ARHGAP6: variants seen among roughly 807,000 people sequenced by gnomAD.
ARHGAP6 encodes the protein rho GTPase-activating protein 6.
ARHGAP6 carries 16 observed loss-of-function variants against 55.7 expected under a neutral mutation model. The observed-to-expected ratio is 0.29, with a 90% CI of 0.19 to 0.44. The LOEUF is 0.44. ARHGAP6 is among the 20% of genes least tolerant of loss of function. The pLI, the probability that ARHGAP6 is intolerant of heterozygous loss-of-function variation, is 1.00. For synonymous variants in ARHGAP6, 382 were observed against 360.9 expected, an observed-to-expected ratio of 1.06 and a Z score of -0.66; for missense variants, 698 against 808.9, an observed-to-expected ratio of 0.86 and a Z score of 1.66.
intron 1 of ARHGAP6, among the ~76,000 whole-genome samples, chrX:11,303,585 C>T (rs768503438): frequency 8.9e-6 from 1 of 112,218 alleles, no homozygotes; most frequent in Non-Finnish European, 1.9e-5. Context: ...ATTCACTTTA[C>T]TATTAATTTT....
At chrX:11,545,449 C>G (rs1274230548) in intron 1 of ARHGAP6, among the ~76,000 whole-genome samples, 1 of 111,666 alleles carries the variant, frequency 9.0e-6, no homozygotes. Context: ...AGCTAATCCT[C>G]TCAGATAAAG....
chrX:11,404,433 A>G (rs1019830767), intron 1 of ARHGAP6, among the ~76,000 whole-genome samples: 2 of 112,210 alleles, frequency 1.8e-5, no homozygotes, highest in Admixed American at 1.9e-4. Context: ...TTAATGCAAC[A>G]TTTACATTAA....
At chrX:11,566,571 T>C (rs1330122813) in intron 1 of ARHGAP6, among the ~76,000 whole-genome samples, 1 of 112,536 alleles carries the variant, frequency 8.9e-6, no homozygotes. Context: ...CTTCTGGAAC[T>C]TGGTTTTCTC....
At chrX:11,510,051 C>G (rs193220816) in intron 1 of ARHGAP6, among the ~76,000 whole-genome samples, 1 of 111,859 alleles carries the variant, frequency 8.9e-6, no homozygotes, top group East Asian at 2.8e-4. Context: ...ATTCAGTTGA[C>G]CTTTGGTGTA....
chrX:11,539,242 A>G (rs1166086312), intron 1 of ARHGAP6, among the ~76,000 whole-genome samples: 1 of 111,797 alleles, frequency 8.9e-6, no homozygotes, highest in Non-Finnish European at 1.9e-5. Context: ...AAGTTATGAC[A>G]ATCAAAAATG....
intron 1 of ARHGAP6, among the ~76,000 whole-genome samples, chrX:11,317,210 A>C (rs1303467491): frequency 3.6e-5 from 4 of 112,628 alleles, no homozygotes; most frequent in African/African-American, 1.3e-4. Flanking sequence ...CTTCTATGCC[A>C]GAGTTACTCA....
Position 11,139,287 on chromosome X carries a change from G to C in ARHGAP6, c.2501C>G (p.Thr834Arg). ...VQVAGKAERP[T>R]ARSEQYLTLS... ...GGTCAAGTACTGCTCCGACCTGGCC[G>C]TGGGCCGCTCGGCTTTCCCTGCCAC... Residue 834 changes from threonine to arginine, a missense_variant, in exon 13 of 13, where the codon ACG (threonine) becomes AGG (arginine). Physicochemically the swap from Thr to Arg is moderately conservative, Grantham distance 71. Around this residue, in one of 3 missense-constraint regions of ARHGAP6, gnomAD observed 212 missense variants for 208.7 expected, o/e 1.02. Transcript: ENST00000337414. 4 of 1,189,393 alleles carry C rather than the reference G, an allele frequency of 3.4e-6. No individual in the cohort carries two copies. The highest frequency in any genetic ancestry group is 4.5e-6 in the Non-Finnish European group (4 of 885,060).
At chrX:11,572,304 C>T (rs1005838041) in intron 1 of ARHGAP6, among the ~76,000 whole-genome samples, 3 of 110,159 alleles carry the variant, frequency 2.7e-5, no homozygotes, top group Non-Finnish European at 5.7e-5. Flanking sequence ...CGTCATTTAG[C>T]ATTAGGTATA....
chrX:11,214,001 T>C (rs142851018), intron 2 of ARHGAP6, among the ~76,000 whole-genome samples: 6,001 of 111,512 alleles, frequency 0.054, 136 homozygotes, highest in African/African-American at 0.098. Flanking sequence ...ATTTCTATAA[T>C]ACTTGACAAC....
intron 1 of ARHGAP6, among the ~76,000 whole-genome samples, chrX:11,596,491 G>C (rs1380381676): frequency 9.0e-6 from 1 of 111,301 alleles, no homozygotes; most frequent in Non-Finnish European, 1.9e-5. Flanking sequence ...GTTGATGGGT[G>C]CAGCAAACCA....
At chrX:11,519,083 C>T (rs1233626450) in intron 1 of ARHGAP6, among the ~76,000 whole-genome samples, 3 of 94,394 alleles carry the variant, frequency 3.2e-5, no homozygotes, top group African/African-American at 4.2e-5. Context: ...TGAATAATGC[C>T]GCAATAAACA....
At chrX:11,516,766 AGTAAATG>A (rs1330060278) in intron 1 of ARHGAP6, among the ~76,000 whole-genome samples, 2 of 111,921 alleles carry the variant, frequency 1.8e-5, no homozygotes, top group Non-Finnish European at 3.8e-5. Flanking sequence ...TCACATTGCT[AGTAAATG>A]GTAAAGATAT....
chrX:11,493,129 G>A (rs890751966), intron 1 of ARHGAP6, among the ~76,000 whole-genome samples: 1 of 111,805 alleles, frequency 8.9e-6, no homozygotes, highest in Non-Finnish European at 1.9e-5. Context: ...AATCACGGAG[G>A]CCTTTTATAG....
intron 1 of ARHGAP6, among the ~76,000 whole-genome samples, chrX:11,294,216 T>C (rs188239171): frequency 1.2e-3 from 133 of 111,964 alleles, no homozygotes; most frequent in African/African-American, 4.1e-3. Context: ...TCAGAGATGT[T>C]ACTGGAGGGT....
Position 11,138,976 on chromosome X carries a change from C to A in ARHGAP6, c.2812G>T (p.Asp938Tyr). 2 of 1,205,311 alleles carry A rather than the reference C, an allele frequency of 1.7e-6. No individual in the cohort carries two copies. The highest frequency in any genetic ancestry group is 3.6e-5 in the South Asian group (2 of 56,009). Reference sequence around the variant, plus strand: ...CCAGCGTCCCCCAGGCGCGGACTGTCCTGCTCGCCCGCTGGCAGGGAGTTG... The same window carrying A: ...CCAGCGTCCCCCAGGCGCGGACTGTACTGCTCGCCCGCTGGCAGGGAGTTG... The part of the protein sequence containing the change: ...SANSLPAGEQ[D>Y]SPRLGDAGWL... Residue 938 changes from aspartate (D) to tyrosine (Y), a missense_variant, in exon 13 of 13, where the codon GAC becomes TAC. Asp to Tyr is a radical substitution (Grantham distance 160, BLOSUM62 -3). Around this residue, in one of 3 missense-constraint regions of ARHGAP6, gnomAD observed 212 missense variants for 208.7 expected, o/e 1.02. Coordinates refer to ENST00000337414, the MANE Select transcript of ARHGAP6 (RefSeq NM_013427.3).
intron 1 of ARHGAP6, among the ~76,000 whole-genome samples, chrX:11,452,216 C>T (rs757307897): frequency 7.7e-4 from 86 of 112,292 alleles, no homozygotes; most frequent in African/African-American, 2.7e-3. Flanking sequence ...GGCACGATCT[C>T]GGCTTACTGC....
intron 3 of ARHGAP6, 78 bp downstream of exon 3, chrX:11,196,847 T>C: frequency 1.7e-6 from 1 of 573,929 alleles, no homozygotes; most frequent in South Asian, 2.5e-5. Flanking sequence ...CGTATATCTA[T>C]GCAATTCAAT....
At chrX:11,498,077 T>C (rs1249104221) in intron 1 of ARHGAP6, among the ~76,000 whole-genome samples, 1 of 112,254 alleles carries the variant, frequency 8.9e-6, no homozygotes, top group East Asian at 2.8e-4. Context: ...TTATCCATGT[T>C]GACACATATT....
At chrX:11,507,184 G>A (rs2050743450) in intron 1 of ARHGAP6, among the ~76,000 whole-genome samples, 1 of 111,368 alleles carries the variant, frequency 9.0e-6, no homozygotes, top group Admixed American at 9.6e-5. Flanking sequence ...CTGAAGGGGA[G>A]AGGAATTCCT....
Sources: gnomAD v4.1 joint callset for allele counts (sites outside exome capture counted in the v4.1 genomes callset) on GRCh38, gnomAD v4.1.1 for gene constraint, gnomAD v4.1.1 regional missense constraint, MANE v1.5 for transcripts, NCBI Gene and HGNC (gene_info 2026-07-23, HGNC 2026-07-21) for gene names.